ANKIB1: variants seen among roughly 807,000 people sequenced by gnomAD.
ANKIB1 encodes ankyrin repeat and IBR domain containing 1.
In ANKIB1, 43 loss-of-function variants were observed where a neutral mutation model predicts 122.1. That is an observed-to-expected ratio of 0.35 (90% confidence interval 0.28 to 0.45). The LOEUF is 0.45. ANKIB1 is among the 20% of genes least tolerant of loss of function. The pLI is 1.00. For synonymous variants in ANKIB1, 390 were observed against 442.0 expected (o/e 0.88, Z 1.48); for missense variants, 992 against 1,329.5 (o/e 0.75, Z 3.95).
At chr7:92,292,642 A>G (rs1237290868) in intron 1 of ANKIB1, among the ~76,000 whole-genome samples, 1 of 152,170 alleles carries the variant, frequency 6.6e-6, no homozygotes, top group Non-Finnish European at 1.5e-5. Flanking sequence ...AGTATGGGAG[A>G]GAAGGATTTG....
intron 5 of ANKIB1, among the ~76,000 whole-genome samples, chr7:92,342,644 G>A (rs1803462447): frequency 6.6e-6 from 1 of 152,128 alleles, no homozygotes; most frequent in Non-Finnish European, 1.5e-5. Context: ...TGATGCCAGT[G>A]AGGACAGTTA....
chr7:92,329,362 C>T (rs1803106935), intron 5 of ANKIB1, among the ~76,000 whole-genome samples: 1 of 152,054 alleles, frequency 6.6e-6, no homozygotes, highest in South Asian at 2.1e-4. Flanking sequence ...ATAAGAATTG[C>T]CTGGGAAACT....
At chr7:92,287,458 C>T in intron 1 of ANKIB1, among the ~76,000 whole-genome samples, 1 of 152,130 alleles carries the variant, frequency 6.6e-6, no homozygotes, top group Non-Finnish European at 1.5e-5. Flanking sequence ...TAAATTTTTT[C>T]ACAAGAGTAC....
At chr7:92,390,189 CTTGTT>C in intron 15 of ANKIB1, 73 bp downstream of exon 15, 1 of 1,168,082 alleles carries the variant, frequency 8.6e-7, no homozygotes. Context: ...TTTGAAACCA[CTTGTT>C]TTATTTAATG....
chr7:92,387,227 T>C (rs1804675155), intron 12 of ANKIB1, among the ~76,000 whole-genome samples: 2 of 152,102 alleles, frequency 1.3e-5, no homozygotes, highest in Non-Finnish European at 2.9e-5. Flanking sequence ...ATTTAACCTT[T>C]ATCACCTTCT....
At chr7:92,345,816 G>A (rs1227723544) in intron 7 of ANKIB1, among the ~76,000 whole-genome samples, 5 of 151,428 alleles carry the variant, frequency 3.3e-5, no homozygotes, top group Non-Finnish European at 7.4e-5. Context: ...TTTTTAAATA[G>A]AGTATCAGTT....
At chr7:92,287,616 T>C (rs1011487983) in intron 1 of ANKIB1, among the ~76,000 whole-genome samples, 2 of 152,172 alleles carry the variant, frequency 1.3e-5, no homozygotes, top group Non-Finnish European at 2.9e-5. Flanking sequence ...TGAAATATCT[T>C]GGGGGAGATG....
At chr7:92,318,549 A>G (rs915278020) in intron 3 of ANKIB1, among the ~76,000 whole-genome samples, 1 of 152,174 alleles carries the variant, frequency 6.6e-6, no homozygotes, top group Non-Finnish European at 1.5e-5. Context: ...CAGGCTGTCC[A>G]TTAGAGTTGT....
At chr7:92,291,593 CAG>C (rs1227707991) in intron 1 of ANKIB1, among the ~76,000 whole-genome samples, 3 of 118,450 alleles carry the variant, frequency 2.5e-5, no homozygotes, top group Non-Finnish European at 5.0e-5. Context: ...TTTTTTGAGA[CAG>C]AGTCTTACAC....
chr7:92,295,279 T>C (rs1460232399), intron 2 of ANKIB1, 113 bp downstream of exon 2: 1 of 698,328 alleles, frequency 1.4e-6, no homozygotes, highest in African/African-American at 1.8e-5. Flanking sequence ...TATACAGACA[T>C]GATATATATA....
intron 1 of ANKIB1, among the ~76,000 whole-genome samples, chr7:92,273,407 A>C (rs879545007): frequency 8.5e-5 from 13 of 152,214 alleles, no homozygotes; most frequent in Non-Finnish European, 1.6e-4. Context: ...TCTCTAGACA[A>C]CATCCATAAA....
intron 4 of ANKIB1, among the ~76,000 whole-genome samples, chr7:92,320,951 G>A (rs1426364748): frequency 8.6e-5 from 13 of 151,794 alleles, no homozygotes; most frequent in Non-Finnish European, 1.9e-4. Context: ...TTTTTCCCCG[G>A]CACACTTTGC....
chr7:92,270,792 T>G (rs1435556452), intron 1 of ANKIB1, among the ~76,000 whole-genome samples: 1 of 142,622 alleles, frequency 7.0e-6, no homozygotes, highest in Admixed American at 7.4e-5. Flanking sequence ...TATATAGCCC[T>G]TTGAGACTTG....
In ANKIB1 at chr7:92,398,912, C is replaced by T. The variant is rs1454077706; in HGVS notation, c.3233C>T (p.Thr1078Ile). Reference sequence around the variant, plus strand: ...GATGTTTCAAGTCAAACACCTCAAACCTCAAGTGACTGGCTTGAACAAGTA... The same window carrying T: ...GATGTTTCAAGTCAAACACCTCAAATCTCAAGTGACTGGCTTGAACAAGTA... The part of the protein sequence containing the change: ...GSDVSSQTPQ[T>I]SSDWLEQVHL... Residue 1078 changes from threonine to isoleucine, a missense_variant, in exon 20 of 20, where the codon ACC becomes ATC. Physicochemically the swap from Thr to Ile is moderately conservative, Grantham distance 89. This residue lies in a region of ANKIB1 where 384 missense variants were observed against 412.0 expected (regional missense o/e 0.93). Coordinates refer to ENST00000265742, the MANE Select transcript of ANKIB1 (RefSeq NM_019004.2). 1 of 1,596,914 alleles carries T rather than the reference C, an allele frequency of 6.3e-7. No individual in the cohort carries two copies. The highest frequency in any genetic ancestry group is 8.5e-7 in the Non-Finnish European group (1 of 1,171,496).
At chr7:92,249,875 C>T (rs1411717038) in intron 1 of ANKIB1, among the ~76,000 whole-genome samples, 2 of 152,038 alleles carry the variant, frequency 1.3e-5, no homozygotes, top group Non-Finnish European at 1.5e-5. Context: ...CCCCCCCACA[C>T]GCGAATAAAC....
chr7:92,385,826 C>T (rs759765505), intron 11 of ANKIB1, among the ~76,000 whole-genome samples: 3 of 152,224 alleles, frequency 2.0e-5, no homozygotes, highest in South Asian at 2.1e-4. Context: ...GACATGTATA[C>T]ATATGTGACA....
At chr7:92,376,812 T>C (rs549211763) in intron 11 of ANKIB1, among the ~76,000 whole-genome samples, 1 of 152,114 alleles carries the variant, frequency 6.6e-6, no homozygotes, top group Non-Finnish European at 1.5e-5. Flanking sequence ...CAATGTTGGC[T>C]AACTTTAAAT....
rs34091044 is a variant in ANKIB1, at chr7:92,298,768, T to TAAAA, written c.188+3619_188+3622dup. Among the ~76,000 whole-genome samples, 7 of 117,564 alleles carry TAAAA rather than the reference T, an allele frequency of 6.0e-5. 1 individual carries two copies. The highest frequency in any genetic ancestry group is 2.8e-4 in the South Asian group (1 of 3,606). The allele number at this position is 117,564 out of a possible 152,430, so 77.1% of individuals were successfully genotyped here. A position where few individuals can be genotyped will look rare whatever the true frequency, so the allele number is the denominator to read the frequency against. On this transcript the variant is annotated intron_variant, in intron 2 of 19. Transcript: ENST00000265742. Reference sequence around the variant, plus strand: ...TTCATCACTGTTAGGCACTTGCAGTTAAAAAAAAAAAAAAAAAAAAGCAGT... The same window carrying TAAAA: ...TTCATCACTGTTAGGCACTTGCAGTTAAAAAAAAAAAAAAAAAAAAAAAAGCAGT...
chr7:92,247,245 T>C (rs1436108570), intron 1 of ANKIB1, among the ~76,000 whole-genome samples: 2 of 152,056 alleles, frequency 1.3e-5, no homozygotes, highest in Non-Finnish European at 2.9e-5. Flanking sequence ...AAGATAAGAG[T>C]CTGCTGTTTC....
Sources: allele counts gnomAD v4.1 joint callset (sites outside exome capture counted in the v4.1 genomes callset), GRCh38; gene constraint gnomAD v4.1.1; regional missense constraint gnomAD v4.1.1; transcripts MANE v1.5; gene names NCBI Gene and HGNC (gene_info 2026-07-23, HGNC 2026-07-21).